Variants in PCDH15 observed in about 807,000 individuals in gnomAD.
PCDH15 encodes the protein protocadherin related 15.
PCDH15 carries 129 observed loss-of-function variants against 178.5 expected under a neutral mutation model. The observed-to-expected ratio is 0.72, with a 90% CI of 0.63 to 0.84. The LOEUF is 0.84. Ranked by LOEUF, PCDH15 falls within the 40% of genes least tolerant of loss-of-function variation. The pLI is 0.00. For missense variants in PCDH15, 2,230 were observed against 2,099.9 expected, an observed-to-expected ratio of 1.06 and a Z score of -1.21; for synonymous variants, 800 against 732.0, an observed-to-expected ratio of 1.09 and a Z score of -1.50.
chr10:55,505,921 A>G (rs1250854329), intron 2 of PCDH15, among the ~76,000 whole-genome samples: 1 of 151,440 alleles, frequency 6.6e-6, no homozygotes, highest in Non-Finnish European at 1.5e-5. Context: ...AGATTGAAAA[A>G]TAAGTACAAA....
chr10:55,318,281 C>T (rs1250620777), intron 1 of PCDH15, among the ~76,000 whole-genome samples: 1 of 151,934 alleles, frequency 6.6e-6, no homozygotes, highest in Non-Finnish European at 1.5e-5. Context: ...GTGTGGATAT[C>T]AATGAGCTCA....
At chr10:55,035,122 T>C (rs577624410) in intron 2 of PCDH15, among the ~76,000 whole-genome samples, 1 of 152,180 alleles carries the variant, frequency 6.6e-6, no homozygotes, top group South Asian at 2.1e-4. Context: ...GGAATCTTAA[T>C]ATAATGATCA....
chr10:54,339,380 A>T (rs1941811670), intron 6 of PCDH15, among the ~76,000 whole-genome samples: 1 of 152,124 alleles, frequency 6.6e-6, no homozygotes, highest in South Asian at 2.1e-4. Context: ...AAAAATCAGC[A>T]GTATTTTACA....
intron 2 of PCDH15, among the ~76,000 whole-genome samples, chr10:55,354,237 C>A (rs920450795): frequency 6.6e-6 from 1 of 152,058 alleles, no homozygotes; most frequent in Non-Finnish European, 1.5e-5. Flanking sequence ...TGTAACCAAC[C>A]TCTGCCTCTA....
At chr10:53,817,876 A>T (rs1027747440) in intron 34 of PCDH15, 119 bp downstream of exon 34, 7 of 396,212 alleles carry the variant, frequency 1.8e-5, no homozygotes, top group East Asian at 3.6e-5. Context: ...ACATACTAAT[A>T]TGTTTTTGCT....
At chr10:54,417,747 C>A (rs1620400) in intron 3 of PCDH15, among the ~76,000 whole-genome samples, 31,278 of 151,970 alleles carry the variant, frequency 0.21, 4,004 homozygotes, top group African/African-American at 0.36. Context: ...GCTACTAATT[C>A]ATTTCTAAGT....
rs372411460 is a variant in PCDH15 at position 54,288,311 on chromosome 10, C to G, written c.876+28960G>C. Among the ~76,000 whole-genome samples, 6 of 152,118 alleles carry G rather than the reference C, an allele frequency of 3.9e-5. No homozygotes were observed. The South Asian group carries it at 8.3e-4, about 21-fold the overall frequency. On this transcript the variant is annotated intron_variant, in intron 8 of 37. Coordinates refer to ENST00000644397, the MANE Select transcript of PCDH15 (RefSeq NM_001384140.1). ...CTCCAGCTTGGGCATCAGAGTGAGA[C>G]TCCATCTCTAAATAAATACATAAAT... is the stretch of plus-strand genomic sequence containing the variant.
At chr10:54,913,660 A>G (rs1319476311) in intron 2 of PCDH15, among the ~76,000 whole-genome samples, 1 of 152,184 alleles carries the variant, frequency 6.6e-6, no homozygotes, top group African/African-American at 2.4e-5. Flanking sequence ...GTGCTTGGAA[A>G]AGCCGCAGGC....
At chr10:54,214,189 G>A (rs1488455637) in intron 9 of PCDH15, 141 bp from the exon 10 acceptor site, 7 of 597,500 alleles carry the variant, frequency 1.2e-5, no homozygotes, top group African/African-American at 3.7e-5. Flanking sequence ...GCAGTTCAGG[G>A]AAAGCAGACA....
chr10:54,601,278 G>A (rs1191587270), intron 2 of PCDH15, among the ~76,000 whole-genome samples: 1 of 151,926 alleles, frequency 6.6e-6, no homozygotes, highest in Non-Finnish European at 1.5e-5. Flanking sequence ...TGCAGATTAT[G>A]TAGCTGACAA....
intron 5 of PCDH15, 119 bp downstream of exon 5, chr10:54,369,001 T>C (rs911250517): frequency 1.8e-6 from 2 of 1,142,220 alleles, no homozygotes; most frequent in Non-Finnish European, 2.5e-6. Flanking sequence ...TAATGTTTTC[T>C]TGATATTTCT....
intron 1 of PCDH15, among the ~76,000 whole-genome samples, chr10:54,710,246 A>T (rs976170185): frequency 1.1e-4 from 17 of 152,098 alleles, no homozygotes; most frequent in South Asian, 4.1e-4. Context: ...AAAATTGGTA[A>T]ATGAAACATC....
At chr10:53,900,949 C>CAT (rs1379514104) in intron 26 of PCDH15, among the ~76,000 whole-genome samples, 4 of 152,086 alleles carry the variant, frequency 2.6e-5, no homozygotes, top group Non-Finnish European at 4.4e-5. Flanking sequence ...GGATTAGTAA[C>CAT]ATAAGTGGTG....
chr10:55,115,315 C>A (rs758929550), intron 2 of PCDH15, among the ~76,000 whole-genome samples: 1 of 152,182 alleles, frequency 6.6e-6, no homozygotes, highest in Non-Finnish European at 1.5e-5. Context: ...AGGCCTTTGA[C>A]ACTGGTAGCA....
intron 3 of PCDH15, among the ~76,000 whole-genome samples, chr10:54,841,158 A>G (rs2133761219): frequency 6.6e-6 from 1 of 152,000 alleles, no homozygotes; most frequent in African/African-American, 2.4e-5. Flanking sequence ...AGGGTATACC[A>G]TATATTGGAC....
At chr10:54,612,950 A>G (rs941389848) in intron 2 of PCDH15, among the ~76,000 whole-genome samples, 4 of 151,762 alleles carry the variant, frequency 2.6e-5, no homozygotes, top group African/African-American at 9.7e-5. Flanking sequence ...AATAAATGAA[A>G]CTCTAGCTCT....
chr10:54,520,985 T>A (rs1037101765), intron 3 of PCDH15, among the ~76,000 whole-genome samples: 1 of 146,670 alleles, frequency 6.8e-6, no homozygotes, highest in Admixed American at 7.1e-5. Context: ...CACCGCATGT[T>A]CTCACTCATA....
At chr10:55,324,335 T>C (rs1197927805), upstream of PCDH15, among the ~76,000 whole-genome samples, 3 of 152,098 alleles carry the variant, frequency 2.0e-5, no homozygotes, top group Non-Finnish European at 4.4e-5. Context: ...GTATGCTGCC[T>C]TTAAGAGAAC....
At chr10:55,542,579 GTATGT>G (rs1163769352) in intron 2 of PCDH15, among the ~76,000 whole-genome samples, 1 of 149,472 alleles carries the variant, frequency 6.7e-6, no homozygotes, top group African/African-American at 2.4e-5. Context: ...ATATACATAT[GTATGT>G]GTCTATATAG....
Sources: gnomAD v4.1 joint callset for allele counts (sites outside exome capture counted in the v4.1 genomes callset) on GRCh38, gnomAD v4.1.1 for gene constraint, MANE v1.5 for transcripts, NCBI Gene and HGNC (gene_info 2026-07-23, HGNC 2026-07-21) for gene names.